Variants in MAST2 observed in about 807,000 individuals in gnomAD.
The protein encoded by MAST2 is microtubule-associated serine/threonine-protein kinase 2.
In MAST2, 70 loss-of-function variants were observed where a neutral mutation model predicts 147.4. The ratio of observed to expected loss-of-function variants is 0.47; its 90% CI spans 0.39 to 0.58. The LOEUF (loss-of-function observed/expected upper bound fraction) is 0.58, where lower values mean the gene tolerates loss of function less well. MAST2 is among the 20% of genes least tolerant of loss of function. MAST2 has a pLI of 0.00. For synonymous variants in MAST2, 869 were observed against 896.8 expected, an observed-to-expected ratio of 0.97 and a Z score of 0.55; for missense variants, 2,080 against 2,302.3, an observed-to-expected ratio of 0.90 and a Z score of 1.98.
At position 45,939,989 on chromosome 1, in the gene MAST2, T is replaced by TTTTTTTG. The variant is rs1656968415; in HGVS notation, c.501-19391_501-19390insGTTTTTT. ...TCTCTATTTATTTAGGGTTTTTTTT[T>TTTTTTTG]TTTTTTTTTTTTGAGATGGAGTTTC... On this transcript the variant is annotated intron_variant, in intron 4 of 28. Coordinates refer to ENST00000361297, the MANE Select transcript of MAST2 (RefSeq NM_015112.3). 2.3e-5 allele frequency among the ~76,000 whole-genome samples: 3 copies of TTTTTTTG among 128,882 alleles called. No homozygotes were observed. In the Admixed American group the frequency reaches 2.5e-4, roughly 11 times the overall value. The allele number at this position is 128,882 out of a possible 152,430, so 84.6% of individuals were successfully genotyped here. A position where few individuals can be genotyped will look rare whatever the true frequency, so the allele number is the denominator to read the frequency against.
intron 3 of MAST2, among the ~76,000 whole-genome samples, chr1:45,875,173 C>T (rs369459402): frequency 2.0e-5 from 3 of 152,118 alleles, no homozygotes; most frequent in African/African-American, 4.8e-5. Flanking sequence ...TGGCCGGGCA[C>T]GGTGGCTCAC....
chr1:46,024,211 A>C, intron 15 of MAST2: 4 of 524,908 alleles, frequency 7.6e-6, no homozygotes, highest in South Asian at 2.0e-5. Flanking sequence ...GCAGGCCAGC[A>C]GCTATAGAAT....
chr1:45,997,577 A>G, intron 5 of MAST2, 147 bp from the exon 6 acceptor site: 2 of 646,558 alleles, frequency 3.1e-6, no homozygotes, highest in Non-Finnish European at 5.5e-6. Flanking sequence ...TGAAACTTTT[A>G]CAGAAAGAGA....
At chr1:45,929,013 G>C (rs908997194) in intron 4 of MAST2, among the ~76,000 whole-genome samples, 10 of 152,068 alleles carry the variant, frequency 6.6e-5, no homozygotes, top group African/African-American at 2.2e-4. Context: ...GTTGGGTTGA[G>C]GGGGTGGGAA....
intron 5 of MAST2, among the ~76,000 whole-genome samples, chr1:45,971,607 A>C (rs1044840069): frequency 5.3e-5 from 8 of 152,196 alleles, no homozygotes; most frequent in African/African-American, 1.9e-4. Context: ...CTACTGAGAA[A>C]GTTTAACATC....
At chr1:45,905,297 G>A (rs927908669) in intron 4 of MAST2, among the ~76,000 whole-genome samples, 4 of 148,702 alleles carry the variant, frequency 2.7e-5, no homozygotes, top group South Asian at 4.2e-4. Context: ...TGATTCCTCT[G>A]CCTCAGTATC....
At chr1:45,838,837 T>C (rs2147888591) in intron 3 of MAST2, among the ~76,000 whole-genome samples, 1 of 152,334 alleles carries the variant, frequency 6.6e-6, no homozygotes, top group African/African-American at 2.4e-5. Context: ...AAATATGAAC[T>C]ACTTGAAGAT....
chr1:45,875,543 A>G (rs1192744488), intron 3 of MAST2, among the ~76,000 whole-genome samples: 3 of 152,242 alleles, frequency 2.0e-5, no homozygotes, highest in Non-Finnish European at 2.9e-5. Context: ...TTACATTGAT[A>G]TAACATTAAT....
intron 3 of MAST2, among the ~76,000 whole-genome samples, chr1:45,877,330 G>T (rs1018099078): frequency 4.6e-5 from 7 of 152,078 alleles, no homozygotes; most frequent in African/African-American, 1.7e-4. Context: ...GGGCTTAAGG[G>T]ATTCTCCTGC....
chr1:45,899,548 G>C (rs1055597095), intron 4 of MAST2, among the ~76,000 whole-genome samples: 5 of 151,946 alleles, frequency 3.3e-5, no homozygotes, highest in African/African-American at 1.2e-4. Flanking sequence ...TTATAAGTGA[G>C]TACACATGGT....
chr1:45,879,127 C>T (rs1441401661), intron 3 of MAST2, among the ~76,000 whole-genome samples: 1 of 150,220 alleles, frequency 6.7e-6, no homozygotes. Flanking sequence ...CAGTAGGATG[C>T]AATAGAGAGC....
chr1:45,956,245 A>AT (rs1177037127), intron 4 of MAST2, among the ~76,000 whole-genome samples: 2 of 152,148 alleles, frequency 1.3e-5, no homozygotes, highest in African/African-American at 4.8e-5. Flanking sequence ...ATAGATGTTT[A>AT]TTTCAAGATA....
intron 2 of MAST2, among the ~76,000 whole-genome samples, chr1:45,826,605 C>T (rs1644800191): frequency 6.6e-6 from 1 of 152,038 alleles, no homozygotes; most frequent in Non-Finnish European, 1.5e-5. Flanking sequence ...CTTCCTTGGC[C>T]TCCCAAAGAG....
At position 45,997,720 on chromosome 1, in the gene MAST2, A is replaced by G. The variant is rs763150894; in HGVS notation, c.593-4A>G. The G allele has an allele frequency of 4.3e-6, 7 of 1,613,380 alleles. No homozygotes were observed. Among genetic ancestry groups the G allele is most frequent in the Non-Finnish European group, 5.9e-6 (7 of 1,179,318 alleles). ...CAGAGTTTTGTTTCTTTTCCCATCC[A>G]CAGGTAACAGTCCTTTGGACAGCCC... On this transcript the variant is annotated splice_region_variant and splice_polypyrimidine_tract_variant and intron_variant, in intron 5 of 28. Transcript: ENST00000361297.
chr1:46,012,721 A>G (rs916181384), intron 10 of MAST2, among the ~76,000 whole-genome samples: 4 of 152,028 alleles, frequency 2.6e-5, no homozygotes, highest in Non-Finnish European at 5.9e-5. Flanking sequence ...TTGCTTGGGC[A>G]CAGTGGCTCA....
At chr1:46,002,388 GAAGACCA>G (rs1645309675) in intron 6 of MAST2, among the ~76,000 whole-genome samples, 1 of 152,188 alleles carries the variant, frequency 6.6e-6, no homozygotes, top group Non-Finnish European at 1.5e-5. Flanking sequence ...GTGGCCTGGG[GAAGACCA>G]AAGAGCCCTT....
chr1:45,992,481 T>G (rs4638056), intron 5 of MAST2, among the ~76,000 whole-genome samples: 67,829 of 151,922 alleles, frequency 0.45, 15,342 homozygotes, highest in East Asian at 0.63. Flanking sequence ...TAAGAGGTAT[T>G]GGTCTGTAGT....
intron 4 of MAST2, among the ~76,000 whole-genome samples, chr1:45,955,772 G>A (rs1293780780): frequency 1.3e-5 from 2 of 152,126 alleles, no homozygotes; most frequent in East Asian, 3.8e-4. Flanking sequence ...AGGGAGAGAG[G>A]TCATGGAGAA....
At chr1:45,805,286 G>T (rs1644108171) in intron 1 of MAST2, among the ~76,000 whole-genome samples, 1 of 152,032 alleles carries the variant, frequency 6.6e-6, no homozygotes, top group Non-Finnish European at 1.5e-5. Flanking sequence ...CTGACCTCAG[G>T]TAATCGGGAT....
Sources: allele counts gnomAD v4.1 joint callset (sites outside exome capture counted in the v4.1 genomes callset), GRCh38; gene constraint gnomAD v4.1.1; transcripts MANE v1.5; gene names NCBI Gene and HGNC (gene_info 2026-07-23, HGNC 2026-07-21).